PYROXD2: variants seen among roughly 807,000 people sequenced by gnomAD.
The protein encoded by PYROXD2 is pyridine nucleotide-disulfide oxidoreductase domain-containing protein 2.
In PYROXD2, 69 loss-of-function variants were observed where a neutral mutation model predicts 71.1. The observed-to-expected ratio is 0.97, with a 90% confidence interval of 0.80 to 1.19. The LOEUF is 1.19. Ranked by LOEUF, PYROXD2 falls within the 50% of genes most tolerant of loss-of-function variation. PYROXD2 has a pLI of 0.00. For synonymous variants in PYROXD2, 287 were observed against 302.7 expected, an observed-to-expected ratio of 0.95 and a Z score of 0.54; for missense variants, 745 against 748.9, an observed-to-expected ratio of 0.99 and a Z score of 0.06.
chr10:98,410,557 G>A (rs539367259), intron 2 of PYROXD2: 30 of 262,014 alleles, frequency 1.1e-4, no homozygotes, highest in African/African-American at 6.2e-4. Flanking sequence ...GGCTGCCTAT[G>A]ATCTGGAGTC....
chr10:98,412,128 G>T (rs1843807613), intron 1 of PYROXD2, among the ~76,000 whole-genome samples: 1 of 152,232 alleles, frequency 6.6e-6, no homozygotes, highest in Non-Finnish European at 1.5e-5. Context: ...TGGCAAGGAT[G>T]AGATAAATGG....
chr10:98,390,675 G>A lies in PYROXD2; in HGVS notation c.1215C>T (p.Ser405=). 6.2e-7 allele frequency: 1 copy of A among 1,613,124 alleles called. No homozygotes were observed. Among genetic ancestry groups the A allele is most frequent in the Non-Finnish European group, 8.5e-7 (1 of 1,179,458 alleles). Residue 405 remains serine (S), a synonymous_variant, in exon 12 of 16, where the codon TCC becomes TCT. Coordinates refer to ENST00000370575, the MANE Select transcript of PYROXD2 (RefSeq NM_032709.3). ...RGQPLPHHQC[S]IHLNCEDTLL... is the part of the protein sequence containing the mutation. The stretch of plus-strand genomic sequence containing the variant: ...GGGTGTCTTCACAGTTCAGGTGGAT[G>A]GAGCATTGGTGATGGGGCAGCGGCT...
rs1842917443 is a variant in PYROXD2, at chr10:98,390,687, A to T, written c.1203T>A (p.His401Gln). 6.2e-7 allele frequency: 1 copy of T among 1,612,884 alleles called. No homozygotes were observed. Among genetic ancestry groups the T allele is most frequent in the Non-Finnish European group, 8.5e-7 (1 of 1,179,266 alleles). The change falls in exon 12 of 16, where the codon CAT becomes CAA. Residue 401 changes from histidine (H) to glutamine (Q), a missense_variant. By Grantham distance (24) the His-to-Gln change is conservative. Transcript: ENST00000370575. ...PNAPRGQPLP[H>Q]HQCSIHLNCE... Reference sequence around the variant, plus strand: ...AGTTCAGGTGGATGGAGCATTGGTGATGGGGCAGCGGCTGGCCCCTGGGAG... The same window carrying T: ...AGTTCAGGTGGATGGAGCATTGGTGTTGGGGCAGCGGCTGGCCCCTGGGAG...
intron 11 of PYROXD2, 45 bp from the exon 12 acceptor site, chr10:98,390,799 CT>C: frequency 6.5e-7 from 1 of 1,538,070 alleles, no homozygotes; most frequent in Non-Finnish European, 8.8e-7. Flanking sequence ...CCACAAGGTC[CT>C]CCCTCTACAG....
chr10:98,390,697 G>C lies in PYROXD2; in HGVS notation c.1193C>G (p.Pro398Arg). 5.0e-6 allele frequency: 8 copies of C among 1,612,590 alleles called. No individual in the cohort carries two copies. The highest frequency in any genetic ancestry group is 6.8e-6 in the Non-Finnish European group (8 of 1,179,134). ...LAAPNAPRGQ[P>R]LPHHQCSIHL... ...GATGGAGCATTGGTGATGGGGCAGC[G>C]GCTGGCCCCTGGGAGCATTGGGGGC... is the stretch of plus-strand genomic sequence containing the variant. The change falls in exon 12 of 16, where the codon CCG (proline) becomes CGG (arginine). Residue 398 changes from proline (P) to arginine (R), a missense_variant. Transcript: ENST00000370575.
intron 14 of PYROXD2, 101 bp from the exon 15 acceptor site, chr10:98,385,168 T>A (rs1306369935): frequency 8.9e-6 from 13 of 1,460,174 alleles, no homozygotes; most frequent in Non-Finnish European, 1.1e-5. Flanking sequence ...AATGTTCTTC[T>A]CCTTCCAGGA....
At chr10:98,393,745 C>T (rs573286556) in intron 8 of PYROXD2, among the ~76,000 whole-genome samples, 7 of 152,266 alleles carry the variant, frequency 4.6e-5, no homozygotes, top group South Asian at 2.1e-4. Context: ...TCTGCTCCTG[C>T]CACTCACTTA....
At chr10:98,392,655 T>G in intron 9 of PYROXD2, 89 bp from the exon 10 acceptor site, 11 of 1,550,980 alleles carry the variant, frequency 7.1e-6, no homozygotes, top group Non-Finnish European at 9.5e-6. Context: ...GTGCTGCTCC[T>G]AGGCATTCAC....
At chr10:98,403,074 C>T (rs1843472444) in intron 4 of PYROXD2, among the ~76,000 whole-genome samples, 1 of 152,164 alleles carries the variant, frequency 6.6e-6, no homozygotes, top group African/African-American at 2.4e-5. Flanking sequence ...ATGCTCCAGG[C>T]GGGCAGGCTC....
intron 1 of PYROXD2, among the ~76,000 whole-genome samples, chr10:98,413,601 C>A (rs1843862674): frequency 6.6e-6 from 1 of 152,004 alleles, no homozygotes; most frequent in Non-Finnish European, 1.5e-5. Context: ...GTAGTCCCAG[C>A]TACTCGGGAG....
chr10:98,405,098 C>G (rs1239800895), intron 4 of PYROXD2, among the ~76,000 whole-genome samples: 1 of 152,172 alleles, frequency 6.6e-6, no homozygotes. Flanking sequence ...AAAAGCCCCC[C>G]TCCACACCCC....
At chr10:98,384,615 C>T (rs775444143) in intron 15 of PYROXD2, among the ~76,000 whole-genome samples, 3 of 152,144 alleles carry the variant, frequency 2.0e-5, no homozygotes, top group Non-Finnish European at 4.4e-5. Context: ...GAAGCCCTGT[C>T]TAAATATATA....
intron 15 of PYROXD2, among the ~76,000 whole-genome samples, chr10:98,384,454 A>G (rs2135905533): frequency 6.6e-6 from 1 of 152,268 alleles, no homozygotes; most frequent in South Asian, 2.1e-4. Context: ...CCATCTCCAC[A>G]AAAGAATAAA....
intron 9 of PYROXD2, 51 bp downstream of exon 9, chr10:98,392,891 C>G (rs754439453): frequency 1.3e-6 from 2 of 1,581,640 alleles, no homozygotes; most frequent in Non-Finnish European, 1.7e-6. Context: ...AGACTTTGTT[C>G]TGTCCTGGGA....
At chr10:98,413,464 C>T (rs984618990) in intron 1 of PYROXD2, among the ~76,000 whole-genome samples, 4 of 152,154 alleles carry the variant, frequency 2.6e-5, no homozygotes, top group Non-Finnish European at 5.9e-5. Context: ...ACCTGTAATC[C>T]CAGCCCTTTG....
At chr10:98,401,548 C>G (rs959126329) in intron 4 of PYROXD2, among the ~76,000 whole-genome samples, 1 of 152,092 alleles carries the variant, frequency 6.6e-6, no homozygotes, top group Admixed American at 6.5e-5. Flanking sequence ...ATTTTTAAAA[C>G]CTTTTTGATT....
chr10:98,394,671 T>A (rs1424121503), intron 8 of PYROXD2, among the ~76,000 whole-genome samples: 3 of 151,802 alleles, frequency 2.0e-5, no homozygotes, highest in Non-Finnish European at 4.4e-5. Context: ...GATTGGGCTG[T>A]CAGCACAAAC....
At chr10:98,397,624 C>G in intron 5 of PYROXD2, 126 bp from the exon 6 acceptor site, 1 of 1,255,320 alleles carries the variant, frequency 8.0e-7, no homozygotes, top group Non-Finnish European at 1.1e-6. Flanking sequence ...TGTGGCCCAG[C>G]TTGGCTCTGT....
At position 98,395,386 on chromosome 10, in the gene PYROXD2, C is replaced by T; in HGVS notation, c.687+5G>A. The T allele has an allele frequency of 6.2e-7, 1 of 1,614,174 alleles. No homozygotes were observed. ...GGTCGGGCCTGAGGCTGGGGAACCACTCACCTTGGTAATGGGAGCTGTGAG... is the reference window on the plus strand; with the variant it reads ...GGTCGGGCCTGAGGCTGGGGAACCATTCACCTTGGTAATGGGAGCTGTGAG... On this transcript the variant is annotated splice_donor_5th_base_variant and intron_variant, in intron 7 of 15. Transcript: ENST00000370575.
Sources: allele counts gnomAD v4.1 joint callset (sites outside exome capture counted in the v4.1 genomes callset), GRCh38; gene constraint gnomAD v4.1.1; transcripts MANE v1.5; gene names NCBI Gene and HGNC (gene_info 2026-07-23, HGNC 2026-07-21).